Variants in MVK observed in about 807,000 individuals in gnomAD.
MVK encodes LH receptor mRNA-binding protein.
Under a neutral mutation model 43.2 loss-of-function variants are expected in MVK, and 34 were observed. The ratio of observed to expected loss-of-function variants is 0.79; its 90% CI spans 0.60 to 1.05. MVK has a LOEUF of 1.05. Ranked by LOEUF, MVK falls within the 50% of genes least tolerant of loss-of-function variation. The pLI is 0.00. For missense variants in MVK, 395 were observed against 504.0 expected (o/e 0.78, Z 2.07); for synonymous variants, 190 against 219.8 (o/e 0.86, Z 1.20).
At chr12:109,588,089 G>T (rs977782109) in intron 7 of MVK, 1 of 152,308 alleles carries the variant, frequency 6.6e-6, no homozygotes, top group Non-Finnish European at 1.5e-5. Context: ...CTCGGGTGCC[G>T]AGGTGAAGCT....
At chr12:109,589,958 G>A (rs1490889812) in intron 7 of MVK, 1 of 154,088 alleles carries the variant, frequency 6.5e-6, no homozygotes, top group Non-Finnish European at 1.4e-5. Flanking sequence ...ATGCTAGAGA[G>A]TCAGCTCAAC....
At chr12:109,580,309 C>T (rs1033334597) in intron 4 of MVK, among the ~76,000 whole-genome samples, 1 of 152,170 alleles carries the variant, frequency 6.6e-6, no homozygotes, top group East Asian at 1.9e-4. Context: ...CACTGTGTTG[C>T]CCAGGCTGGT....
intron 2 of MVK, among the ~76,000 whole-genome samples, 196 bp downstream of exon 2, chr12:109,575,096 A>G (rs1363795194): frequency 6.6e-6 from 1 of 152,184 alleles, no homozygotes; most frequent in Non-Finnish European, 1.5e-5. Flanking sequence ...GATAGCAAAA[A>G]GATGATTATA....
At chr12:109,576,490 C>T (rs919226365) in intron 3 of MVK, among the ~76,000 whole-genome samples, 2 of 151,778 alleles carry the variant, frequency 1.3e-5, no homozygotes, top group African/African-American at 4.8e-5. Flanking sequence ...GATTAGTTCT[C>T]CTGGGAGAGA....
At chr12:109,581,249 G>A (rs1885201863) in intron 4 of MVK, 146 bp from the exon 5 acceptor site, 24 of 969,464 alleles carry the variant, frequency 2.5e-5, no homozygotes, top group Non-Finnish European at 3.4e-5. Context: ...ATGTTCAATA[G>A]GGATACATTT....
At position 109,593,899 on chromosome 12, in the gene MVK, G is replaced by A. The variant is rs573795190; in HGVS notation, c.886-1129G>A. On this transcript the variant is annotated intron_variant, in intron 9 of 10. Transcript: ENST00000228510. ...TACGTGGCTGATTTTTGTATATTTA[G>A]TAGAGATGGGGTTTCGCCATGTTGG... 7.4e-4 allele frequency among the ~76,000 whole-genome samples: 113 copies of A among 151,846 alleles called. 3 individuals are homozygous for A. Among genetic ancestry groups the A allele is most frequent in the Non-Finnish European group, 1.3e-4 (9 of 67,984 alleles).
chr12:109,579,962 G>C lies in MVK; in HGVS notation c.371+16G>C. ...GGAAGCAGAGGTGTGTGCGTGGTCTGGGGAAGGAGTCCAGATTCAGCCTCC... is the reference window on the plus strand; with the variant it reads ...GGAAGCAGAGGTGTGTGCGTGGTCTCGGGAAGGAGTCCAGATTCAGCCTCC... On this transcript the variant is annotated intron_variant, in intron 4 of 10. Coordinates refer to ENST00000228510, the MANE Select transcript of MVK (RefSeq NM_000431.4). 2 of 1,614,128 alleles carry C rather than the reference G, an allele frequency of 1.2e-6. No individual in the cohort carries two copies. Among genetic ancestry groups the C allele is most frequent in the Non-Finnish European group, 1.7e-6 (2 of 1,180,004 alleles).
intron 9 of MVK, among the ~76,000 whole-genome samples, chr12:109,594,765 G>A (rs1255811045): frequency 6.6e-6 from 1 of 152,242 alleles, no homozygotes; most frequent in Non-Finnish European, 1.5e-5. Context: ...TCAGTCACCA[G>A]TGCCAGAGGC....
chr12:109,595,129 C>G lies in MVK; in HGVS notation c.987C>G (p.Ser329Arg), dbSNP rs104895326. 3 of 1,614,174 alleles carry G rather than the reference C, an allele frequency of 1.9e-6. No individual in the cohort carries two copies. Among genetic ancestry groups the G allele is most frequent in the Non-Finnish European group, 2.5e-6 (3 of 1,180,044 alleles). Residue 329 changes from serine (S) to arginine (R), a missense_variant, in exon 10 of 11, where the codon AGC becomes AGG. Coordinates refer to ENST00000228510, the MANE Select transcript of MVK (RefSeq NM_000431.4). This position sits in a 1 kb window ranked among gnomAD's most constrained non-coding sequence, Gnocchi z 5.9. ...CQVTRARGLH[S>R]KLTGAGGGGC... ...TGACCAGGGCCCGCGGACTTCACAG[C>G]AAGCTGACTGGCGCAGGCGGTGGTG...
At chr12:109,574,245 T>C (rs974467978) in intron 1 of MVK, among the ~76,000 whole-genome samples, 3 of 152,202 alleles carry the variant, frequency 2.0e-5, no homozygotes, top group African/African-American at 7.2e-5. Flanking sequence ...GCAGAAATAC[T>C]CATTTAAGTG....
chr12:109,579,209 A>G (rs1885100210), intron 3 of MVK: 1 of 445,462 alleles, frequency 2.2e-6, no homozygotes, highest in Non-Finnish European at 4.5e-6. Context: ...GTGCGACCAC[A>G]GCTCACTGTT....
Position 109,576,162 on chromosome 12 carries a change from G to A in MVK, c.226+17G>A, listed in dbSNP as rs777522839. The A allele has an allele frequency of 6.2e-7, 1 of 1,614,014 alleles. No individual in the cohort carries two copies. The highest frequency in any genetic ancestry group is 1.1e-5 in the South Asian group (1 of 91,054). On this transcript the variant is annotated intron_variant, in intron 3 of 10. Transcript: ENST00000228510. ...GCTTTCTGGGTGAGTGCAAGGAGGA[G>A]AAACCAGGTGTGCTAAGAGCCTACA...
intron 10 of MVK, 41 bp from the exon 11 acceptor site, chr12:109,596,385 G>A (rs1388991695): frequency 1.2e-6 from 2 of 1,602,462 alleles, no homozygotes; most frequent in African/African-American, 1.3e-5. Context: ...CTCCCACGGA[G>A]CGGAGAGTTG....
chr12:109,592,120 G>A (rs959373130), intron 9 of MVK, among the ~76,000 whole-genome samples: 4 of 152,138 alleles, frequency 2.6e-5, no homozygotes, highest in Admixed American at 6.5e-5. Context: ...GGTACATATC[G>A]GTAGTCCCAG....
chr12:109,582,315 TTTTTGTTTGTTTG>T (rs1341471423), intron 5 of MVK, among the ~76,000 whole-genome samples: 18 of 151,316 alleles, frequency 1.2e-4, no homozygotes, highest in South Asian at 4.2e-4. Context: ...GAGCTTGGTT[TTTTTGTTTGTTTG>T]TTTGTTTGTT....
intron 7 of MVK, chr12:109,588,108 A>G (rs1593023958): frequency 6.6e-6 from 1 of 152,198 alleles, no homozygotes; most frequent in Non-Finnish European, 1.5e-5. Flanking sequence ...CTGGTCTGCC[A>G]CCGCCCCGGA....
At chr12:109,581,589 C>T (rs200056275) in intron 5 of MVK, 39 bp downstream of exon 5, 43 of 1,613,838 alleles carry the variant, frequency 2.7e-5, no homozygotes, top group African/African-American at 1.3e-4. Flanking sequence ...CCCTCCCGCA[C>T]GGCAGGACAG....
chr12:109,573,759 T>C (rs1194997705), upstream of MVK: 2 of 505,676 alleles, frequency 4.0e-6, no homozygotes, highest in African/African-American at 1.9e-5. Flanking sequence ...TTGGCTGGCC[T>C]GAAGTACAAC....
At chr12:109,578,543 A>G (rs1472816985) in intron 3 of MVK, among the ~76,000 whole-genome samples, 1 of 152,188 alleles carries the variant, frequency 6.6e-6, no homozygotes, top group Non-Finnish European at 1.5e-5. Context: ...TAAAGTTCAG[A>G]GGTCAAGTGG....
Sources: gnomAD v4.1 joint callset for allele counts (sites outside exome capture counted in the v4.1 genomes callset) on GRCh38, gnomAD v4.1.1 for gene constraint, Gnocchi (gnomAD v3.1) non-coding constraint, MANE v1.5 for transcripts, NCBI Gene and HGNC (gene_info 2026-07-23, HGNC 2026-07-21) for gene names.